The following ISL1 variants were observed in gnomAD, a reference collection of about 807,000 sequenced individuals.
The protein encoded by ISL1 is ISL LIM homeobox 1.
In ISL1, 4 loss-of-function variants were observed where a neutral mutation model predicts 35.3. The ratio of observed to expected loss-of-function variants is 0.11; its 90% confidence interval spans 0.06 to 0.26. The LOEUF is 0.26. Among genes scored for constraint, ISL1 ranks in the 10% least tolerant of loss-of-function variants. The pLI is 1.00. For missense variants in ISL1, 340 were observed against 472.8 expected (o/e 0.72, Z 2.60); for synonymous variants, 186 against 172.3 (o/e 1.08, Z -0.62).
In ISL1 at chr5:51,389,990, G is replaced by A; in HGVS notation, c.765+58G>A. On this transcript the variant is annotated intron_variant, in intron 4 of 5. Transcript: ENST00000230658. The surrounding 1 kb of genome is among the most constrained non-coding windows in gnomAD (Gnocchi z 5.0). ...AGGGGGAAGGAGACGCAGCGTGCGA[G>A]GTGCGTTCCTGGTACGCAGGATCGC... 1.3e-6 allele frequency: 2 copies of A among 1,581,222 alleles called. No homozygotes were observed. The highest frequency in any genetic ancestry group is 1.7e-5 in the Admixed American group (1 of 58,348).
Position 51,387,198 on chromosome 5 carries a change from G to T in ISL1, c.219-292G>T, listed in dbSNP as rs910116135. On this transcript the variant is annotated intron_variant, in intron 2 of 5. Coordinates refer to ENST00000230658, the MANE Select transcript of ISL1 (RefSeq NM_002202.3). This position sits in a 1 kb window ranked among gnomAD's most constrained non-coding sequence, Gnocchi z 4.3. The stretch of plus-strand genomic sequence containing the variant: ...TTCTGTGGTACAAGCTAGGTGTTTT[G>T]AGCTAAGAGTTACCAACTAAGACAG... Among the ~76,000 whole-genome samples, 61 of 152,012 alleles carry T rather than the reference G, an allele frequency of 4.0e-4. No individual in the cohort carries two copies. The highest frequency in any genetic ancestry group is 1.5e-3 in the African/African-American group (61 of 41,378).
chr5:51,385,747 T>C (rs1747328118), intron 2 of ISL1, among the ~76,000 whole-genome samples: 1 of 152,144 alleles, frequency 6.6e-6, no homozygotes, highest in Non-Finnish European at 1.5e-5. Context: ...TCAGCATCAT[T>C]ATTATGTTAA....
Position 51,387,716 on chromosome 5 carries a change from C to G in ISL1, c.445C>G (p.Pro149Ala), listed in dbSNP as rs772015386. The change falls in exon 3 of 6, where the codon CCC becomes GCC. Residue 149 changes from proline to alanine, a missense_variant. By Grantham distance (27) the Pro-to-Ala change is conservative (BLOSUM62 -1). Transcript: ENST00000230658. This position sits in a 1 kb window ranked among gnomAD's most constrained non-coding sequence, Gnocchi z 4.3. ...TCTAGGCGCTGGCGACCCGCTCAGT[C>G]CCCTGCATCCAGCGCGGCCACTGCA... Reference protein sequence around the residue: ...ASLGAGDPLSPLHPARPLQMA... With the variant: ...ASLGAGDPLSALHPARPLQMA... 3.2e-5 allele frequency: 51 copies of G among 1,614,098 alleles called. No individual in the cohort carries two copies. The highest frequency in any genetic ancestry group is 2.7e-4 in the Admixed American group (16 of 60,016).
chr5:51,383,514 C>A lies in ISL1; in HGVS notation c.-158C>A. On this transcript the variant is annotated 5_prime_UTR_variant, in exon 1 of 6. Transcript: ENST00000230658. The stretch of plus-strand genomic sequence containing the variant: ...CCGGCTTAAATTGGACTCCTAGATC[C>A]GCGAGGGCGCGGCGCAGCCGAGCAG... The A allele has an allele frequency of 1.4e-6, 1 of 724,054 alleles. No individual in the cohort carries two copies. The allele number at this position is 724,054 out of a possible 1,614,324, so 44.9% of individuals were successfully genotyped here. A position where few individuals can be genotyped will look rare whatever the true frequency, so the allele number is the denominator to read the frequency against.
chr5:51,387,451 C>T lies in ISL1; in HGVS notation c.219-39C>T. The T allele has an allele frequency of 2.5e-6, 4 of 1,611,008 alleles. No homozygotes were observed. Among genetic ancestry groups the T allele is most frequent in the Non-Finnish European group, 3.4e-6 (4 of 1,178,678 alleles). Reference sequence around the variant, plus strand: ...ACCCCCTCTTCCTGTACTTCTCTCCCCGCTCTGGGCCGCCTCCGCTCCCCC... The same window carrying T: ...ACCCCCTCTTCCTGTACTTCTCTCCTCGCTCTGGGCCGCCTCCGCTCCCCC... On this transcript the variant is annotated intron_variant, in intron 2 of 5. Transcript: ENST00000230658. The surrounding 1 kb of genome is among the most constrained non-coding windows in gnomAD (Gnocchi z 4.3).
chr5:51,390,211 G>C (rs1293683543), intron 4 of ISL1, among the ~76,000 whole-genome samples: 1 of 152,152 alleles, frequency 6.6e-6, no homozygotes, highest in Non-Finnish European at 1.5e-5. Context: ...CTTCCACCTC[G>C]CCTGTACCTG....
chr5:51,387,991 A>G lies in ISL1; in HGVS notation c.478+242A>G, dbSNP rs1047681492. On this transcript the variant is annotated intron_variant, in intron 3 of 5. Coordinates refer to ENST00000230658, the MANE Select transcript of ISL1 (RefSeq NM_002202.3). This position sits in a 1 kb window ranked among gnomAD's most constrained non-coding sequence, Gnocchi z 4.3. ...TGTGTGTCTCTATATGGTTACACAT[A>G]AATGTACACCACTTGTGTACACGTG... Among the ~76,000 whole-genome samples, 2 of 152,270 alleles carry G rather than the reference A, an allele frequency of 1.3e-5. No homozygotes were observed. The highest frequency in any genetic ancestry group is 4.8e-5 in the African/African-American group (2 of 41,482).
chr5:51,386,412 G>GTA (rs397881533), intron 2 of ISL1: 49 of 357,128 alleles, frequency 1.4e-4, no homozygotes, highest in Middle Eastern at 1.8e-3. Flanking sequence ...GTGTGTGTGT[G>GTA]TAATCTTGTA....
chr5:51,391,447 T>A lies in ISL1; in HGVS notation c.933+6T>A. On this transcript the variant is annotated splice_donor_region_variant and intron_variant, in intron 5 of 5. Coordinates refer to ENST00000230658, the MANE Select transcript of ISL1 (RefSeq NM_002202.3). The stretch of plus-strand genomic sequence containing the variant: ...AGCCTGCTTTTCAGCAACTGGTAAG[T>A]GTCAGCTCCCAGATGGAAGAGGCTG... 6.2e-7 allele frequency: 1 copy of A among 1,614,098 alleles called. No homozygotes were observed. Among genetic ancestry groups the A allele is most frequent in the South Asian group, 1.1e-5 (1 of 91,078 alleles).
chr5:51,388,803 C>A (rs1462205515), intron 3 of ISL1, among the ~76,000 whole-genome samples: 1 of 152,034 alleles, frequency 6.6e-6, no homozygotes, highest in East Asian at 1.9e-4. Flanking sequence ...TGCTCCTGTT[C>A]AGTGGAGCCT....
intron 4 of ISL1, 85 bp downstream of exon 4, chr5:51,390,017 C>G (rs1254977983): frequency 6.8e-7 from 1 of 1,473,304 alleles, no homozygotes; most frequent in South Asian, 1.2e-5. Context: ...CAGGATCGCA[C>G]GGTTTTCAAT....
At chr5:51,385,775 C>G (rs1033894587) in intron 2 of ISL1, among the ~76,000 whole-genome samples, 9 of 151,990 alleles carry the variant, frequency 5.9e-5, no homozygotes, top group Non-Finnish European at 8.8e-5. Flanking sequence ...CAAAATATCA[C>G]TTTTTAAATG....
At chr5:51,384,420 A>T in intron 1 of ISL1, 121 bp from the exon 2 acceptor site, 1 of 812,670 alleles carries the variant, frequency 1.2e-6, no homozygotes, top group Middle Eastern at 3.4e-4. Context: ...AAAAAAAAAG[A>T]AAGAAAGAAA....
At position 51,389,618 on chromosome 5, in the gene ISL1, A is replaced by C; in HGVS notation, c.479-28A>C. ...GGGCCGGCAAGCGAGCCTCCAGCCC[A>C]GCGCTCACGGCGCTCCTTGCCCCGC... On this transcript the variant is annotated intron_variant, in intron 3 of 5. Coordinates refer to ENST00000230658, the MANE Select transcript of ISL1 (RefSeq NM_002202.3). This position sits in a 1 kb window ranked among gnomAD's most constrained non-coding sequence, Gnocchi z 5.0. 6.3e-7 allele frequency: 1 copy of C among 1,591,548 alleles called. No individual in the cohort carries two copies. Among genetic ancestry groups the C allele is most frequent in the Middle Eastern group, 2.3e-4 (1 of 4,406 alleles).
At chr5:51,384,368 G>A (rs1489760757) in intron 1 of ISL1, among the ~76,000 whole-genome samples, 173 bp from the exon 2 acceptor site, 2 of 148,558 alleles carry the variant, frequency 1.3e-5, no homozygotes, top group Non-Finnish European at 3.0e-5. Context: ...GGTTTTGATG[G>A]CACATTTCAA....
At position 51,390,663 on chromosome 5, in the gene ISL1, T is replaced by C. The variant is rs1241457419; in HGVS notation, c.766-611T>C. ...TTTTCTTTTTTTTTTTTTTTTTTTT[T>C]TTTTTTTTTTTTTTTTTACTGCTTT... is the stretch of plus-strand genomic sequence containing the variant. On this transcript the variant is annotated intron_variant, in intron 4 of 5. Transcript: ENST00000230658. 9.2e-4 allele frequency among the ~76,000 whole-genome samples: 119 copies of C among 129,306 alleles called. 9 individuals carry two copies. The highest frequency in any genetic ancestry group is 2.1e-3 in the African/African-American group (76 of 36,068). The allele number at this position is 129,306 out of a possible 152,430, so 84.8% of individuals were successfully genotyped here. A position where few individuals can be genotyped will look rare whatever the true frequency, so the allele number is the denominator to read the frequency against.
chr5:51,383,942 G>T (rs1227562109), intron 1 of ISL1, among the ~76,000 whole-genome samples: 1 of 152,084 alleles, frequency 6.6e-6, no homozygotes, highest in Non-Finnish European at 1.5e-5. Context: ...TAGCTTTCTG[G>T]TGCTAAGCGG....
chr5:51,391,548 G>C, intron 5 of ISL1, 107 bp downstream of exon 5: 1 of 1,296,872 alleles, frequency 7.7e-7, no homozygotes, highest in Non-Finnish European at 1.1e-6. Context: ...CTTGGGCTCA[G>C]GGTTGGGGAG....
rs934993244 is a variant in ISL1 at position 51,389,316 on chromosome 5, G to A, written c.479-330G>A. Among the ~76,000 whole-genome samples the A allele has an allele frequency of 6.6e-6, 1 of 152,194 alleles. No homozygotes were observed. Among genetic ancestry groups the A allele is most frequent in the Non-Finnish European group, 1.5e-5 (1 of 68,036 alleles). On this transcript the variant is annotated intron_variant, in intron 3 of 5. Transcript: ENST00000230658. The surrounding 1 kb of genome is among the most constrained non-coding windows in gnomAD (Gnocchi z 5.0). ...CACCCCTGCTGTGAACAGGGGGACA[G>A]ACTTTGAGACCTGCTTCCCTTGGCT... is the stretch of plus-strand genomic sequence containing the variant.
Sources: allele counts gnomAD v4.1 joint callset (sites outside exome capture counted in the v4.1 genomes callset), GRCh38; gene constraint gnomAD v4.1.1; non-coding constraint Gnocchi (gnomAD v3.1); transcripts MANE v1.5; gene names NCBI Gene and HGNC (gene_info 2026-07-23, HGNC 2026-07-21).